The following KIF1A variants were observed in gnomAD, a reference collection of about 807,000 sequenced individuals.
KIF1A encodes the protein kinesin family member 1A.
In KIF1A, 46 loss-of-function variants were observed where a neutral mutation model predicts 227.3. The ratio of observed to expected loss-of-function variants is 0.20; its 90% CI spans 0.16 to 0.26. The LOEUF (loss-of-function observed/expected upper bound fraction) is 0.26, where lower values mean the gene tolerates loss of function less well. KIF1A is among the 10% of genes least tolerant of loss of function. The pLI is 1.00. For synonymous variants in KIF1A, 1,022 were observed against 1,012.8 expected (o/e 1.01, Z -0.17); for missense variants, 1,683 against 2,485.9 (o/e 0.68, Z 6.87).
chr2:240,781,959 C>G lies in KIF1A; in HGVS notation c.882+631G>C, dbSNP rs186341876. The stretch of plus-strand genomic sequence containing the variant: ...TTCTCTGTCCCCACACAGCCACCGC[C>G]GAGTTCCCTGTGCGTTTCCCAGTGA... On this transcript the variant is annotated intron_variant, in intron 10 of 48. Transcript: ENST00000498729. 3.7e-5 allele frequency: 36 copies of G among 985,442 alleles called. No homozygotes were observed. In the African/African-American group the frequency reaches 5.4e-4, roughly 15 times the overall value. 61.0% of individuals were successfully genotyped at this position (985,442 alleles called of 1,614,324 possible).
Position 240,792,085 on chromosome 2 carries a change from C to G in KIF1A, c.107-2773G>C, listed in dbSNP as rs2055785425. Among the ~76,000 whole-genome samples, 3 of 151,990 alleles carry G rather than the reference C, an allele frequency of 2.0e-5. No individual in the cohort carries two copies. The highest frequency in any genetic ancestry group is 7.2e-5 in the African/African-American group (3 of 41,380). ...ATCCTCTGTCACTACAGATGGGCCC[C>G]AAGCTCCAGAGAGGGGAGGTCCTCT... On this transcript the variant is annotated intron_variant, in intron 2 of 48. Coordinates refer to ENST00000498729, the MANE Select transcript of KIF1A (RefSeq NM_001244008.2). This position sits in a 1 kb window ranked among gnomAD's most constrained non-coding sequence, Gnocchi z 4.5.
At chr2:240,807,130 G>GTGTATATATATATATATATATA (rs1356399506) in intron 1 of KIF1A, among the ~76,000 whole-genome samples, 3 of 119,492 alleles carry the variant, frequency 2.5e-5, no homozygotes, top group South Asian at 6.3e-4. Context: ...GTGTGTGTGT[G>GTGTATATATATATATATATATA]TATATATATA....
At chr2:240,797,604 G>C (rs565815049) in intron 2 of KIF1A, 43 bp downstream of exon 2, 2 of 1,416,980 alleles carry the variant, frequency 1.4e-6, no homozygotes, top group East Asian at 2.3e-5. Flanking sequence ...ATGGCCCCCA[G>C]CAACCCATGG....
chr2:240,789,414 C>A lies in KIF1A; in HGVS notation c.107-102G>T. The A allele has an allele frequency of 4.1e-6, 4 of 985,004 alleles. No individual in the cohort carries two copies. Among genetic ancestry groups the A allele is most frequent in the Non-Finnish European group, 6.4e-6 (4 of 626,830 alleles). 61.0% of individuals were successfully genotyped at this position (985,004 alleles called of 1,614,324 possible). A position where few individuals can be genotyped will look rare whatever the true frequency, so the allele number is the denominator to read the frequency against. ...GGAGATGGTCTTAAGAGGCCTCGGGCCCCAGACAAGCCAGGCCCCCAAATT... is the reference window on the plus strand; with the variant it reads ...GGAGATGGTCTTAAGAGGCCTCGGGACCCAGACAAGCCAGGCCCCCAAATT... On this transcript the variant is annotated intron_variant, in intron 2 of 48. Coordinates refer to ENST00000498729, the MANE Select transcript of KIF1A (RefSeq NM_001244008.2). This position sits in a 1 kb window ranked among gnomAD's most constrained non-coding sequence, Gnocchi z 4.8.
In KIF1A at chr2:240,775,995, G is replaced by T; in HGVS notation, c.883-69C>A. On this transcript the variant is annotated intron_variant, in intron 10 of 48. Transcript: ENST00000498729. This position sits in a 1 kb window ranked among gnomAD's most constrained non-coding sequence, Gnocchi z 5.5. The stretch of plus-strand genomic sequence containing the variant: ...GAGGAAGCGAAAGGGAGGGGCCAGC[G>T]CAGGCCCTGCCAAGTGGGTCCTCAA... 9.4e-7 allele frequency: 1 copy of T among 1,067,934 alleles called. No homozygotes were observed. Among genetic ancestry groups the T allele is most frequent in the Non-Finnish European group, 1.4e-6 (1 of 691,092 alleles). 66.2% of individuals were successfully genotyped at this position (1,067,934 alleles called of 1,614,324 possible).
chr2:240,779,544 A>AG, intron 10 of KIF1A, among the ~76,000 whole-genome samples: 1 of 145,594 alleles, frequency 6.9e-6, no homozygotes, highest in African/African-American at 2.6e-5. Flanking sequence ...TCAGTTCCTC[A>AG]TAGTTCCACT....
chr2:240,767,353 G>A lies in KIF1A; in HGVS notation c.1498-8C>T. On this transcript the variant is annotated splice_region_variant and splice_polypyrimidine_tract_variant and intron_variant, in intron 17 of 48. Transcript: ENST00000498729. ...GTTGACGAGGTGTGGTGTCTGCAGG[G>A]AGACAGGAGGATCATCTCTCTTGCA... The A allele has an allele frequency of 6.2e-7, 1 of 1,609,524 alleles. No homozygotes were observed. The highest frequency in any genetic ancestry group is 8.5e-7 in the Non-Finnish European group (1 of 1,176,256).
At chr2:240,813,845 G>A (rs999133875) in intron 1 of KIF1A, among the ~76,000 whole-genome samples, 4 of 152,164 alleles carry the variant, frequency 2.6e-5, no homozygotes, top group East Asian at 1.9e-4. Flanking sequence ...CAGGCCCTGC[G>A]GGAAGGACAG....
chr2:240,795,968 A>T (rs567436232), intron 2 of KIF1A, among the ~76,000 whole-genome samples: 1 of 152,184 alleles, frequency 6.6e-6, no homozygotes, highest in Non-Finnish European at 1.5e-5. Context: ...CCATGACCCC[A>T]CATGCAAGAC....
At chr2:240,720,821 C>A in intron 45 of KIF1A, 93 bp downstream of exon 45, 1 of 1,433,476 alleles carries the variant, frequency 7.0e-7, no homozygotes, top group South Asian at 1.4e-5. Flanking sequence ...CATTGGGGCC[C>A]CCTGTTCTGT....
At chr2:240,774,391 A>ACCCCCCCCCC (rs570956380) in intron 11 of KIF1A, 130 bp from the exon 12 acceptor site, 10 of 253,670 alleles carry the variant, frequency 3.9e-5, no homozygotes, top group African/African-American at 1.2e-4. Flanking sequence ...TCACAGGCTT[A>ACCCCCCCCCC]CCCCCCCCCC....
rs2055056468 is a variant in KIF1A, at chr2:240,787,237, G to A, written c.429+14C>T. 4 of 1,608,758 alleles carry A rather than the reference G, an allele frequency of 2.5e-6. No individual in the cohort carries two copies. Among genetic ancestry groups the A allele is most frequent in the South Asian group, 1.1e-5 (1 of 90,964 alleles). On this transcript the variant is annotated intron_variant, in intron 5 of 48. Transcript: ENST00000498729. ...GCCCTGCCCCAGCGGCCAACGGCAG[G>A]CGGGGAGCCCTACCTCCACGGAGTA...
At chr2:240,819,209 GT>G (rs1291838892) in intron 1 of KIF1A, among the ~76,000 whole-genome samples, 43 of 152,302 alleles carry the variant, frequency 2.8e-4, no homozygotes, top group Non-Finnish European at 5.1e-4. Flanking sequence ...GGAAGTCAGC[GT>G]GAGGAGCGGC....
chr2:240,790,335 C>A lies in KIF1A; in HGVS notation c.107-1023G>T, dbSNP rs2055503417. 6.6e-6 allele frequency among the ~76,000 whole-genome samples: 1 copy of A among 152,046 alleles called. No individual in the cohort carries two copies. The highest frequency in any genetic ancestry group is 6.5e-5 in the Admixed American group (1 of 15,276). ...GACCACCACCATCACATCAGCAAACCTGAAGAACGAAGCCCTCATGGCACC... is the reference window on the plus strand; with the variant it reads ...GACCACCACCATCACATCAGCAAACATGAAGAACGAAGCCCTCATGGCACC... On this transcript the variant is annotated intron_variant, in intron 2 of 48. Transcript: ENST00000498729. The surrounding 1 kb of genome is among the most constrained non-coding windows in gnomAD (Gnocchi z 5.0).
chr2:240,732,713 G>A (rs1390242070), intron 38 of KIF1A, among the ~76,000 whole-genome samples: 4 of 107,440 alleles, frequency 3.7e-5, no homozygotes, highest in Non-Finnish European at 5.6e-5. Context: ...GGGATGAGGG[G>A]GGATGAGGGA....
At chr2:240,727,490 G>A (rs1332605318) in intron 38 of KIF1A, among the ~76,000 whole-genome samples, 1 of 152,224 alleles carries the variant, frequency 6.6e-6, no homozygotes, top group African/African-American at 2.4e-5. Context: ...AAACCTCCAT[G>A]GTCCATCTCC....
chr2:240,769,599 C>T, intron 16 of KIF1A, 28 bp downstream of exon 16: 1 of 1,599,640 alleles, frequency 6.3e-7, no homozygotes, highest in Non-Finnish European at 8.6e-7. Flanking sequence ...CACCCCTCCC[C>T]CTGGGCCTCA....
intron 18 of KIF1A, 80 bp from the exon 19 acceptor site, chr2:240,767,101 C>A: frequency 8.0e-7 from 1 of 1,249,700 alleles, no homozygotes; most frequent in South Asian, 1.3e-5. Context: ...CCAGGGACGC[C>A]CAACCAGGAT....
chr2:240,754,409 C>T (rs1159094304), intron 27 of KIF1A, among the ~76,000 whole-genome samples: 1 of 152,240 alleles, frequency 6.6e-6, no homozygotes, highest in African/African-American at 2.4e-5. Context: ...TAGACTTGTT[C>T]AGCCAGAAGG....
Sources: gnomAD v4.1 joint callset for allele counts (sites outside exome capture counted in the v4.1 genomes callset) on GRCh38, gnomAD v4.1.1 for gene constraint, Gnocchi (gnomAD v3.1) non-coding constraint, MANE v1.5 for transcripts, NCBI Gene and HGNC (gene_info 2026-07-23, HGNC 2026-07-21) for gene names.